Variants in DNM3 observed in about 807,000 individuals in gnomAD.
DNM3 encodes the protein dynamin 3.
In DNM3, 47 loss-of-function variants were observed where a neutral mutation model predicts 101.6. The ratio of observed to expected loss-of-function variants is 0.46; its 90% confidence interval spans 0.37 to 0.59. The LOEUF (loss-of-function observed/expected upper bound fraction) is 0.59. DNM3 is among the 20% of genes least tolerant of loss of function. The probability of loss-of-function intolerance (pLI) is 0.00; values close to 1 mark genes in which losing one functional copy is unlikely to be tolerated. For synonymous variants in DNM3, 385 were observed against 387.9 expected, an observed-to-expected ratio of 0.99 and a Z score of 0.09; for missense variants, 849 against 1,085.7, an observed-to-expected ratio of 0.78 and a Z score of 3.06.
rs201247900 is a variant in DNM3 at position 172,033,069 on chromosome 1, G to A, written c.689-36G>A. ...ATCTCCCTAGAATAAGCCACAAAAA[G>A]TGTCCCCAACTCCATAGATTTGTGT... On this transcript the variant is annotated intron_variant, in intron 5 of 20. Coordinates refer to ENST00000627582, the MANE Select transcript of DNM3 (RefSeq NM_015569.5). 401 of 1,599,604 alleles carry A rather than the reference G, an allele frequency of 2.5e-4. 2 individuals carry two copies. The highest frequency in any genetic ancestry group is 3.2e-4 in the Non-Finnish European group (370 of 1,172,830).
Position 171,995,181 on chromosome 1 carries a change from C to T in DNM3, c.589+6033C>T, listed in dbSNP as rs138091932. On this transcript the variant is annotated intron_variant, in intron 4 of 20. Coordinates refer to ENST00000627582, the MANE Select transcript of DNM3 (RefSeq NM_015569.5). The stretch of plus-strand genomic sequence containing the variant: ...AGTGCAATGGCACAGTCTCGGCTCA[C>T]TGCAACCTCTGCCTCCTGGGTTCAA... Among the ~76,000 whole-genome samples the T allele has an allele frequency of 4.6e-3, 625 of 137,116 alleles. 5 individuals are homozygous for T. The highest frequency in any genetic ancestry group is 0.016 in the African/African-American group (604 of 36,858). 90.0% of individuals were successfully genotyped at this position (137,116 alleles called of 152,430 possible). A position where few individuals can be genotyped will look rare whatever the true frequency, so the allele number is the denominator to read the frequency against.
Position 172,115,367 on chromosome 1 carries a change from T to C in DNM3, c.1546-15808T>C, listed in dbSNP as rs1321631997. Among the ~76,000 whole-genome samples the C allele has an allele frequency of 2.6e-5, 4 of 152,180 alleles. No homozygotes were observed. In the East Asian group the frequency reaches 7.7e-4, roughly 29 times the overall value. ...CTCCATCATCTCTCACCTGGGTTAT[T>C]GGCCTCCCTCCTGCTTCTCCTCTTT... On this transcript the variant is annotated intron_variant, in intron 13 of 20. Coordinates refer to ENST00000627582, the MANE Select transcript of DNM3 (RefSeq NM_015569.5).
intron 15 of DNM3, among the ~76,000 whole-genome samples, chr1:172,307,738 C>T (rs1282647384): frequency 1.3e-5 from 2 of 152,104 alleles, no homozygotes; most frequent in African/African-American, 2.4e-5. Context: ...ATGCATGAAG[C>T]TGGAAACCAT....
intron 2 of DNM3, among the ~76,000 whole-genome samples, chr1:171,976,471 A>G (rs902868686): frequency 3.9e-5 from 6 of 152,236 alleles, no homozygotes; most frequent in African/African-American, 1.4e-4. Context: ...TAAAACCATC[A>G]GCTCTTGTGA....
At chr1:172,056,375 C>T (rs1161066790) in intron 10 of DNM3, among the ~76,000 whole-genome samples, 1 of 152,224 alleles carries the variant, frequency 6.6e-6, no homozygotes, top group Non-Finnish European at 1.5e-5. Context: ...TCTGTAGGCT[C>T]CACCTCTGGG....
At chr1:171,883,390 CACACACACACACACACACACACACCCT>C (rs1558209597) in intron 1 of DNM3, among the ~76,000 whole-genome samples, 3 of 118,050 alleles carry the variant, frequency 2.5e-5, no homozygotes, top group African/African-American at 9.6e-5. Context: ...CACACACACA[CACACACACACACACACACACACACCCT>C]GTCAGAATGA....
chr1:172,047,336 G>A (rs1056010854), intron 9 of DNM3, among the ~76,000 whole-genome samples: 4 of 151,958 alleles, frequency 2.6e-5, no homozygotes, highest in Non-Finnish European at 1.5e-5. Context: ...TAGAATGCTG[G>A]GCTTCCAAGA....
intron 4 of DNM3, among the ~76,000 whole-genome samples, chr1:172,031,426 G>A (rs1008905351): frequency 6.6e-6 from 1 of 152,066 alleles, no homozygotes; most frequent in Non-Finnish European, 1.5e-5. Context: ...AGGAGGGAGA[G>A]CATTAGGACA....
chr1:171,880,053 G>A (rs1223171666), intron 1 of DNM3, among the ~76,000 whole-genome samples: 3 of 152,186 alleles, frequency 2.0e-5, no homozygotes, highest in Non-Finnish European at 4.4e-5. Flanking sequence ...GGGAAATGAG[G>A]TTTTTAGTTT....
intron 14 of DNM3, among the ~76,000 whole-genome samples, chr1:172,247,745 C>T (rs956797026): frequency 4.0e-5 from 6 of 151,468 alleles, no homozygotes; most frequent in African/African-American, 1.5e-4. Flanking sequence ...AGTGCAATGG[C>T]GTGATCTCGG....
At chr1:172,338,963 T>C (rs2148953805) in intron 17 of DNM3, 1 of 417,590 alleles carries the variant, frequency 2.4e-6, no homozygotes, top group South Asian at 1.7e-5. Context: ...TTTAGAATTA[T>C]TCTACTAAAT....
chr1:171,890,744 A>G (rs927057133), intron 1 of DNM3, among the ~76,000 whole-genome samples: 25 of 152,238 alleles, frequency 1.6e-4, no homozygotes, highest in Non-Finnish European at 2.9e-4. Context: ...AAATATGTAT[A>G]CGTCTATTTA....
intron 2 of DNM3, among the ~76,000 whole-genome samples, chr1:171,931,141 T>C (rs2040974982): frequency 6.6e-6 from 1 of 152,146 alleles, no homozygotes. Flanking sequence ...TAAATTATTG[T>C]TGAAAGAAAT....
At chr1:171,933,518 C>T (rs537414972) in intron 2 of DNM3, among the ~76,000 whole-genome samples, 12 of 152,034 alleles carry the variant, frequency 7.9e-5, no homozygotes, top group Non-Finnish European at 1.8e-4. Context: ...GTTCAAGCCA[C>T]GCTGATATTT....
chr1:171,974,496 C>T (rs2044235560), intron 2 of DNM3, among the ~76,000 whole-genome samples: 1 of 152,114 alleles, frequency 6.6e-6, no homozygotes, highest in African/African-American at 2.4e-5. Context: ...ATTAAGTTCC[C>T]ATTGAGAAAA....
intron 12 of DNM3, among the ~76,000 whole-genome samples, chr1:172,083,786 TTTATATTGA>T (rs1329192085): frequency 6.6e-6 from 1 of 152,168 alleles, no homozygotes; most frequent in African/African-American, 2.4e-5. Flanking sequence ...GGACTATGGT[TTTATATTGA>T]TTATATTGAT....
intron 2 of DNM3, among the ~76,000 whole-genome samples, chr1:171,924,539 G>A (rs1443356264): frequency 1.3e-5 from 2 of 152,160 alleles, no homozygotes; most frequent in Non-Finnish European, 2.9e-5. Flanking sequence ...AAGGTGGCAG[G>A]AAGGAGAAGA....
intron 8 of DNM3, among the ~76,000 whole-genome samples, chr1:172,043,479 C>G (rs1267494045): frequency 6.6e-6 from 1 of 152,068 alleles, no homozygotes; most frequent in East Asian, 1.9e-4. Flanking sequence ...TAAAAATGTG[C>G]TAAGTAAAGT....
chr1:171,961,846 A>G (rs775424916), intron 2 of DNM3, among the ~76,000 whole-genome samples: 2 of 152,246 alleles, frequency 1.3e-5, no homozygotes. Flanking sequence ...TAAGCCAGCC[A>G]CAAAAGGACA....
Sources: allele counts gnomAD v4.1 joint callset (sites outside exome capture counted in the v4.1 genomes callset), GRCh38; gene constraint gnomAD v4.1.1; transcripts MANE v1.5; gene names NCBI Gene and HGNC (gene_info 2026-07-23, HGNC 2026-07-21).